The following HDGFL3 variants were observed in gnomAD, a reference collection of about 807,000 sequenced individuals.
HDGFL3 encodes the protein hepatoma-derived growth factor-related protein 3.
HDGFL3 carries 6 observed loss-of-function variants against 27.6 expected under a neutral mutation model. The ratio of observed to expected loss-of-function variants is 0.22; its 90% CI spans 0.12 to 0.43. The LOEUF (loss-of-function observed/expected upper bound fraction) is 0.43, where lower values mean the gene tolerates loss of function less well. Among genes scored for constraint, HDGFL3 ranks in the 20% least tolerant of loss-of-function variants. HDGFL3 has a pLI of 1.00. For synonymous variants in HDGFL3, 88 were observed against 88.9 expected, an observed-to-expected ratio of 0.99 and a Z score of 0.05; for missense variants, 207 against 250.1, an observed-to-expected ratio of 0.83 and a Z score of 1.16.
intron 5 of HDGFL3, among the ~76,000 whole-genome samples, 165 bp from the exon 6 acceptor site, chr15:83,139,440 G>C (rs1462456245): frequency 1.3e-5 from 2 of 152,172 alleles, no homozygotes; most frequent in African/African-American, 4.8e-5. Flanking sequence ...CTGTGGCTTT[G>C]CTTTAGACCT....
At position 83,207,364 on chromosome 15, in the gene HDGFL3, G is replaced by C; in HGVS notation, c.51C>G (p.Ala17=). 7.1e-7 allele frequency: 1 copy of C among 1,402,906 alleles called. No individual in the cohort carries two copies. The highest frequency in any genetic ancestry group is 9.3e-7 in the Non-Finnish European group (1 of 1,072,732). 86.9% of individuals were successfully genotyped at this position (1,402,906 alleles called of 1,614,324 possible). A position where few individuals can be genotyped will look rare whatever the true frequency, so the allele number is the denominator to read the frequency against. The change falls in exon 1 of 6, where the codon GCC becomes GCG. Residue 17 remains alanine, a synonymous_variant. Transcript: ENST00000299633. The surrounding 1 kb of genome is among the most constrained non-coding windows in gnomAD (Gnocchi z 4.8). The part of the protein sequence containing the change: ...REYKAGDLVF[A]KMKGYPHWPA... ...GCCAGTGCGGGTAGCCCTTCATCTTGGCGAAGACCAGGTCGCCCGCTTTGT... is the reference window on the plus strand; with the variant it reads ...GCCAGTGCGGGTAGCCCTTCATCTTCGCGAAGACCAGGTCGCCCGCTTTGT...
intron 1 of HDGFL3, among the ~76,000 whole-genome samples, chr15:83,169,631 T>C (rs1260943069): frequency 6.6e-6 from 1 of 151,438 alleles, no homozygotes; most frequent in Non-Finnish European, 1.5e-5. Flanking sequence ...CTAAACCCCG[T>C]CTCTACTAAA....
chr15:83,140,474 A>G (rs1157260358), intron 5 of HDGFL3, among the ~76,000 whole-genome samples: 3 of 127,528 alleles, frequency 2.4e-5, no homozygotes, highest in Non-Finnish European at 3.1e-5. Flanking sequence ...TTAGTCAACC[A>G]AAGAAAGTTT....
At chr15:83,143,703 G>A (rs1246345577) in intron 5 of HDGFL3, among the ~76,000 whole-genome samples, 2 of 152,180 alleles carry the variant, frequency 1.3e-5, no homozygotes, top group Non-Finnish European at 2.9e-5. Flanking sequence ...TTGTATGACG[G>A]AATAAGGAAC....
intron 5 of HDGFL3, among the ~76,000 whole-genome samples, chr15:83,147,205 G>C (rs2036908421): frequency 6.6e-6 from 1 of 152,060 alleles, no homozygotes; most frequent in African/African-American, 2.4e-5. Context: ...TGGGACTACA[G>C]GCACGCACCA....
At chr15:83,116,992 G>C (rs1302448702) in intron 3 of HDGFL3, among the ~76,000 whole-genome samples, 1 of 152,224 alleles carries the variant, frequency 6.6e-6, no homozygotes, top group Non-Finnish European at 1.5e-5. Flanking sequence ...CTCCCTGCCT[G>C]AAAGGGTGGG....
At chr15:83,112,750 A>G (rs1380848409) in exon 4 of HDGFL3, 12 of 1,338,464 alleles carry the variant, frequency 9.0e-6, no homozygotes, top group South Asian at 1.2e-5. Context: ...CCAGGCACCA[A>G]TGTGTTTATT....
chr15:83,188,951 G>A (rs1489381620), intron 1 of HDGFL3, among the ~76,000 whole-genome samples: 1 of 152,010 alleles, frequency 6.6e-6, no homozygotes, highest in Non-Finnish European at 1.5e-5. Flanking sequence ...GTGAGTAAAG[G>A]GCGTCACCAT....
downstream of HDGFL3, among the ~76,000 whole-genome samples, chr15:83,125,551 A>G (rs990837402): frequency 6.6e-6 from 1 of 152,240 alleles, no homozygotes; most frequent in Non-Finnish European, 1.5e-5. Context: ...GCTCTTATAC[A>G]TAGTAAATGA....
chr15:83,122,804 T>C, downstream of HDGFL3: 1 of 1,614,086 alleles, frequency 6.2e-7, no homozygotes, highest in East Asian at 2.2e-5. Flanking sequence ...AAGCATACCA[T>C]ATACTTGTCT....
chr15:83,172,724 G>C (rs1399989953), intron 1 of HDGFL3, among the ~76,000 whole-genome samples: 2 of 151,786 alleles, frequency 1.3e-5, no homozygotes, highest in African/African-American at 2.4e-5. Context: ...AGAAGGCTGA[G>C]GCAGAAGAAT....
chr15:83,118,997 C>G (rs962585623), intron 3 of HDGFL3, among the ~76,000 whole-genome samples: 7 of 152,140 alleles, frequency 4.6e-5, no homozygotes, highest in South Asian at 4.1e-4. Context: ...CATCTGTTTC[C>G]TCATCTGTAA....
At chr15:83,124,613 G>C, downstream of HDGFL3, 1 of 1,307,530 alleles carries the variant, frequency 7.6e-7, no homozygotes, top group Admixed American at 1.8e-5. Context: ...TAATGTTTCA[G>C]ATTTCAGATT....
At chr15:83,190,057 A>C (rs1347560513) in intron 1 of HDGFL3, among the ~76,000 whole-genome samples, 1 of 152,014 alleles carries the variant, frequency 6.6e-6, no homozygotes, top group Admixed American at 6.6e-5. Flanking sequence ...CAAAACAAAA[A>C]AATTAGCTGG....
chr15:83,179,700 T>A (rs771135378), intron 1 of HDGFL3: 1 of 152,244 alleles, frequency 6.6e-6, no homozygotes, highest in Admixed American at 6.5e-5. Context: ...CCCTATTATT[T>A]TCTATTCCCT....
Position 83,138,080 on chromosome 15 carries a change from G to A in HDGFL3, c.*1190C>T, listed in dbSNP as rs577612336. Reference sequence around the variant, plus strand: ...TGTCAGCTTGCTGTGAACAATTTTTGCTTTAATATATGAATTACATTAATA... The same window carrying A: ...TGTCAGCTTGCTGTGAACAATTTTTACTTTAATATATGAATTACATTAATA... On this transcript the variant is annotated 3_prime_UTR_variant, in exon 6 of 6. Coordinates refer to ENST00000299633, the MANE Select transcript of HDGFL3 (RefSeq NM_016073.4). 6.6e-6 allele frequency: 1 copy of A among 151,866 alleles called. No homozygotes were observed. Among genetic ancestry groups the A allele is most frequent in the East Asian group, 1.9e-4 (1 of 5,164 alleles). The allele number at this position is 151,866 out of a possible 1,614,324, so 9.4% of individuals were successfully genotyped here.
intron 5 of HDGFL3, among the ~76,000 whole-genome samples, chr15:83,141,262 A>G (rs2151393101): frequency 6.6e-6 from 1 of 152,278 alleles, no homozygotes; most frequent in Non-Finnish European, 1.5e-5. Context: ...TGAAGAATCC[A>G]ATCGGATTCT....
chr15:83,182,681 T>C (rs762743229), intron 1 of HDGFL3, among the ~76,000 whole-genome samples: 3 of 152,168 alleles, frequency 2.0e-5, no homozygotes, highest in South Asian at 2.1e-4. Flanking sequence ...GGGGTAATGG[T>C]AATATTTTAT....
chr15:83,124,644 T>G (rs1371677921), downstream of HDGFL3: 3 of 1,584,288 alleles, frequency 1.9e-6, no homozygotes, highest in Non-Finnish European at 2.6e-6. Context: ...ACTTTGGGCC[T>G]GCTCTTTAGG....
Sources: allele counts gnomAD v4.1 joint callset (sites outside exome capture counted in the v4.1 genomes callset), GRCh38; gene constraint gnomAD v4.1.1; non-coding constraint Gnocchi (gnomAD v3.1); transcripts MANE v1.5; gene names NCBI Gene and HGNC (gene_info 2026-07-23, HGNC 2026-07-21).